The following ELFN2 variants were observed in gnomAD, a reference collection of about 807,000 sequenced individuals.
ELFN2 encodes protein phosphatase 1 regulatory subunit 29.
A neutral mutation model predicts 45.5 loss-of-function variants in ELFN2; 17 were observed. The ratio of observed to expected loss-of-function variants is 0.37; its 90% CI spans 0.26 to 0.56. The LOEUF (loss-of-function observed/expected upper bound fraction) is 0.56, where lower values mean the gene tolerates loss of function less well. ELFN2 is among the 20% of genes least tolerant of loss of function. The pLI, the probability that ELFN2 is intolerant of heterozygous loss-of-function variation, is 0.77. For synonymous variants in ELFN2, 550 were observed against 551.5 expected, an observed-to-expected ratio of 1.00 and a Z score of 0.04; for missense variants, 922 against 1,183.2, an observed-to-expected ratio of 0.78 and a Z score of 3.24.
intron 1 of ELFN2, among the ~76,000 whole-genome samples, chr22:37,361,323 G>C (rs927440445): frequency 7.2e-5 from 11 of 152,022 alleles, no homozygotes; most frequent in African/African-American, 2.7e-4. Context: ...GTGACTTTCT[G>C]AGCCCCCCTC....
rs1284689300 is a variant in ELFN2 at position 37,349,949 on chromosome 22, C to T, written n.149-7246G>A. 2.0e-5 allele frequency among the ~76,000 whole-genome samples: 3 copies of T among 151,088 alleles called. 1 individual carries two copies. The highest frequency in any genetic ancestry group is 4.5e-5 in the Non-Finnish European group (3 of 67,344). On this transcript the variant is annotated intron_variant and non_coding_transcript_variant, in intron 1 of 2. Transcript: ENST00000452946. Reference sequence around the variant, plus strand: ...GTAAGTGGGCACGAGGCTCCTGTTCCTGAGGGATGCTCCCCATGAGATCGG... The same window carrying T: ...GTAAGTGGGCACGAGGCTCCTGTTCTTGAGGGATGCTCCCCATGAGATCGG...
At chr22:37,359,110 C>T (rs541231562) in intron 1 of ELFN2, among the ~76,000 whole-genome samples, 6 of 152,272 alleles carry the variant, frequency 3.9e-5, no homozygotes, top group African/African-American at 9.6e-5. Context: ...TTAGCACCTC[C>T]GTGACTGTCT....
At chr22:37,412,928 C>T (rs2145683521) in intron 2 of ELFN2, among the ~76,000 whole-genome samples, 1 of 152,328 alleles carries the variant, frequency 6.6e-6, no homozygotes, top group South Asian at 2.1e-4. Flanking sequence ...ACCACGCTCC[C>T]CACTTCCTCC....
Position 37,374,011 on chromosome 22 carries a change from G to C in ELFN2, c.1524C>G (p.Gly508=). The C allele has an allele frequency of 6.2e-7, 1 of 1,613,112 alleles. No homozygotes were observed. The highest frequency in any genetic ancestry group is 8.5e-7 in the Non-Finnish European group (1 of 1,179,996). ...GCCGAGCCAGACCGTCCCCGCCGGC[G>C]CCTGTGCGCACCTCGATATAGTTGC... ...TKGNYIEVRT[G]AGGDGLARPE... Residue 508 remains glycine (G), a synonymous_variant, in exon 3 of 3, where the codon GGC becomes GGG. Transcript: ENST00000402918.
At chr22:37,396,634 C>T (rs576934209) in intron 2 of ELFN2, among the ~76,000 whole-genome samples, 47 of 152,272 alleles carry the variant, frequency 3.1e-4, no homozygotes, top group African/African-American at 1.0e-3. Context: ...CTCCCAGCCA[C>T]GCCCCCTTCC....
At chr22:37,422,948 G>A (rs1050013597) in intron 1 of ELFN2, among the ~76,000 whole-genome samples, 22 of 133,422 alleles carry the variant, frequency 1.6e-4, no homozygotes, top group East Asian at 7.9e-4. Context: ...GGCCTCGGGG[G>A]GGGGGGGGGA....
At chr22:37,380,785 C>G (rs926925477) in intron 2 of ELFN2, among the ~76,000 whole-genome samples, 1 of 152,164 alleles carries the variant, frequency 6.6e-6, no homozygotes, top group African/African-American at 2.4e-5. Flanking sequence ...AGGACAGGAA[C>G]TCTGCCCTCA....
intron 2 of ELFN2, among the ~76,000 whole-genome samples, chr22:37,381,495 C>T (rs141848273): frequency 6.6e-6 from 1 of 152,182 alleles, no homozygotes; most frequent in East Asian, 1.9e-4. Flanking sequence ...CCCCCAGAAT[C>T]CCCATAATCC....
chr22:37,356,776 T>A (rs1277102110), intron 1 of ELFN2, among the ~76,000 whole-genome samples: 1 of 152,180 alleles, frequency 6.6e-6, no homozygotes, highest in African/African-American at 2.4e-5. Context: ...TTTGTCCACG[T>A]TCCCACAGCT....
At chr22:37,385,092 G>A (rs1052924324) in intron 2 of ELFN2, 1 of 152,244 alleles carries the variant, frequency 6.6e-6, no homozygotes, top group Non-Finnish European at 1.5e-5. Context: ...CAGTGCATGT[G>A]GGGACCGCAA....
chr22:37,405,840 A>AG (rs959336127), intron 2 of ELFN2, among the ~76,000 whole-genome samples: 3 of 141,610 alleles, frequency 2.1e-5, no homozygotes, highest in Non-Finnish European at 4.6e-5. Context: ...AAAAGGGTGG[A>AG]GGGGGGGTGG....
intron 1 of ELFN2, among the ~76,000 whole-genome samples, chr22:37,350,665 T>G (rs1278255157): frequency 6.6e-6 from 1 of 150,510 alleles, no homozygotes; most frequent in Admixed American, 6.6e-5. Context: ...TAGCGCTGAT[T>G]ACTCCCATCA....
chr22:37,410,448 G>T (rs114979485), intron 2 of ELFN2, among the ~76,000 whole-genome samples: 3,054 of 152,198 alleles, frequency 0.02, 120 homozygotes, highest in African/African-American at 0.071. Flanking sequence ...TGGGAGACCT[G>T]CTGGCTCCGA....
intron 2 of ELFN2, among the ~76,000 whole-genome samples, chr22:37,386,716 G>C (rs777812846): frequency 6.6e-6 from 1 of 152,172 alleles, no homozygotes. Flanking sequence ...GAGGGCCGCC[G>C]GCTGGGCAGA....
intron 1 of ELFN2, chr22:37,426,911 G>C (rs1470548680): frequency 1.3e-5 from 2 of 152,072 alleles, no homozygotes; most frequent in Non-Finnish European, 2.9e-5. Context: ...AGCACCCCGT[G>C]AAAGAGAGGG....
At chr22:37,415,321 A>C (rs1411357963) in intron 2 of ELFN2, among the ~76,000 whole-genome samples, 1 of 152,256 alleles carries the variant, frequency 6.6e-6, no homozygotes, top group Non-Finnish European at 1.5e-5. Flanking sequence ...CTGGCTGAGC[A>C]GCTCAGAGCA....
chr22:37,398,844 G>T (rs1241330372), intron 2 of ELFN2, among the ~76,000 whole-genome samples: 5 of 152,084 alleles, frequency 3.3e-5, no homozygotes, highest in Non-Finnish European at 5.9e-5. Context: ...CCTTGCTTGG[G>T]CCTCTACTTC....
At chr22:37,364,164 C>T (rs1931150284), downstream of ELFN2, among the ~76,000 whole-genome samples, 1 of 152,174 alleles carries the variant, frequency 6.6e-6, no homozygotes, top group Non-Finnish European at 1.5e-5. Flanking sequence ...CTAAGCCTCC[C>T]TTGGCCAAGG....
intron 1 of ELFN2, among the ~76,000 whole-genome samples, chr22:37,424,105 C>T (rs945728302): frequency 1.3e-5 from 2 of 152,160 alleles, no homozygotes; most frequent in African/African-American, 4.8e-5. Context: ...CAACATGGGG[C>T]AGGTGGGGGC....
Sources: gnomAD v4.1 joint callset for allele counts (sites outside exome capture counted in the v4.1 genomes callset) on GRCh38, gnomAD v4.1.1 for gene constraint, MANE v1.5 for transcripts, NCBI Gene and HGNC (gene_info 2026-07-23, HGNC 2026-07-21) for gene names.